Variants in ACTN3 observed in about 807,000 individuals in gnomAD.
ACTN3 encodes the protein alpha-actinin-3.
ACTN3 carries 91 observed loss-of-function variants against 119.6 expected under a neutral mutation model. The observed-to-expected ratio is 0.76, with a 90% CI of 0.64 to 0.91. The LOEUF (loss-of-function observed/expected upper bound fraction) is 0.91. Ranked by LOEUF, ACTN3 falls within the 40% of genes least tolerant of loss-of-function variation. The probability of loss-of-function intolerance (pLI) is 0.00; values close to 1 mark genes in which losing one functional copy is unlikely to be tolerated. For missense variants in ACTN3, 1,221 were observed against 1,215.1 expected (o/e 1.00, Z -0.07); for synonymous variants, 456 against 478.8 (o/e 0.95, Z 0.62).
At position 66,551,541 on chromosome 11, in the gene ACTN3, T is replaced by C; in HGVS notation, c.276T>C (p.Pro92=). The C allele has an allele frequency of 6.2e-7, 1 of 1,613,952 alleles. No homozygotes were observed. Among genetic ancestry groups the C allele is most frequent in the Non-Finnish European group, 8.5e-7 (1 of 1,179,916 alleles). ...LLEVISGERL[P]RPDKGKMRFH... ...TCTTAAACCCAGGTGAGAGGCTGCCTAGGCCAGATAAAGGCAAGATGCGCT... is the reference window on the plus strand; with the variant it reads ...TCTTAAACCCAGGTGAGAGGCTGCCCAGGCCAGATAAAGGCAAGATGCGCT... Residue 92 remains proline (P), a synonymous_variant, in exon 3 of 21, where the codon CCT becomes CCC. Transcript: ENST00000513398.
chr11:66,551,430 G>A, intron 2 of ACTN3, 77 bp downstream of exon 2: 1 of 1,565,798 alleles, frequency 6.4e-7, no homozygotes. Flanking sequence ...GGGTGGCGGA[G>A]TGTTGGACGG....
At chr11:66,552,376 A>C (rs1013289134) in intron 3 of ACTN3, among the ~76,000 whole-genome samples, 2 of 151,846 alleles carry the variant, frequency 1.3e-5, no homozygotes, top group East Asian at 3.9e-4. Flanking sequence ...TCTCAAAAAA[A>C]AAAAAGAAAG....
intron 10 of ACTN3, 43 bp from the exon 11 acceptor site, chr11:66,557,984 A>G (rs529431085): frequency 1.2e-6 from 2 of 1,613,250 alleles, no homozygotes; most frequent in East Asian, 4.5e-5. Flanking sequence ...CCATCTGTAC[A>G]ATGGGCAAAC....
At position 66,560,766 on chromosome 11, in the gene ACTN3, C is replaced by T; in HGVS notation, c.1860+11C>T. The T allele has an allele frequency of 1.3e-6, 2 of 1,597,694 alleles. No individual in the cohort carries two copies. Among genetic ancestry groups the T allele is most frequent in the Non-Finnish European group, 1.7e-6 (2 of 1,168,342 alleles). The stretch of plus-strand genomic sequence containing the variant: ...ACCAAGTGGGATATGGTCAGTGCCA[C>T]CTGCAGCCTTCCTCCCACCCCCTCC... On this transcript the variant is annotated intron_variant, in intron 15 of 20. Coordinates refer to ENST00000513398, the MANE Select transcript of ACTN3 (RefSeq NM_001104.4).
In ACTN3 at chr11:66,554,637, T is replaced by A. The variant is rs1227842061; in HGVS notation, c.557+14T>A. 6.2e-7 allele frequency: 1 copy of A among 1,603,240 alleles called. No individual in the cohort carries two copies. The highest frequency in any genetic ancestry group is 8.5e-7 in the Non-Finnish European group (1 of 1,174,106). ...CTTCCACACCAGGTCTGTCAGGTGG[T>A]TACCAAATGTGTCTGGGCCTCTGTG... On this transcript the variant is annotated intron_variant, in intron 5 of 20. Transcript: ENST00000513398.
chr11:66,560,790 C>A, intron 15 of ACTN3, 35 bp downstream of exon 15: 1 of 1,578,308 alleles, frequency 6.3e-7, no homozygotes, highest in African/African-American at 1.3e-5. Context: ...CCCACCCCCT[C>A]CTGCATACTG....
Position 66,561,616 on chromosome 11 carries a change from G to C in ACTN3, c.2154G>C (p.Lys718Asn). The C allele has an allele frequency of 1.2e-6, 2 of 1,612,614 alleles. No homozygotes were observed. Among genetic ancestry groups the C allele is most frequent in the Non-Finnish European group, 1.7e-6 (2 of 1,179,392 alleles). Reference sequence around the variant, plus strand: ...AGGAGAGCCTGGTGTTCGACAATAAGCACACCGTCTACAGCATGGAGGTGG... The same window carrying C: ...AGGAGAGCCTGGTGTTCGACAATAACCACACCGTCTACAGCATGGAGGTGG... ...LLQESLVFDN[K>N]HTVYSMEHIR... Residue 718 changes from lysine (K) to asparagine (N), a missense_variant, in exon 17 of 21, where the codon AAG becomes AAC. Lys to Asn is a moderately conservative substitution (Grantham distance 94). This residue lies in a region of ACTN3 where 934 missense variants were observed against 899.9 expected (regional missense o/e 1.04). Transcript: ENST00000513398.
At position 66,560,650 on chromosome 11, in the gene ACTN3, C is replaced by G; in HGVS notation, c.1755C>G (p.Ile585Met). 1 of 1,613,866 alleles carries G rather than the reference C, an allele frequency of 6.2e-7. No individual in the cohort carries two copies. Among genetic ancestry groups the G allele is most frequent in the South Asian group, 1.1e-5 (1 of 91,084 alleles). ...GAGAGCGAGGTGCCATCATGGGCAT[C>G]CAGGGTGAGATCCAGAAGATCTGCC... Reference protein sequence around the residue: ...ADRERGAIMGIQGEIQKICQT... With the variant: ...ADRERGAIMGMQGEIQKICQT... The change falls in exon 15 of 21, where the codon ATC becomes ATG. Residue 585 changes from isoleucine to methionine, a missense_variant. Transcript: ENST00000513398.
intron 5 of ACTN3, among the ~76,000 whole-genome samples, 183 bp from the exon 6 acceptor site, chr11:66,554,947 G>C (rs972039725): frequency 6.6e-6 from 1 of 152,182 alleles, no homozygotes; most frequent in Non-Finnish European, 1.5e-5. Flanking sequence ...TGACGGAATC[G>C]TGATGAGCTA....
intron 3 of ACTN3, 141 bp from the exon 4 acceptor site, chr11:66,553,904 G>C: frequency 1.9e-6 from 1 of 517,304 alleles, no homozygotes; most frequent in Non-Finnish European, 3.5e-6. Context: ...TTGAGCACCT[G>C]CTAGGTGCTC....
In ACTN3 at chr11:66,559,956, T is replaced by G. The variant is rs757735440; in HGVS notation, c.1428-12T>G. ...GGGCTGGCCCCACACTCGCCCTACT[T>G]CTCGCTCCCAGTGAGCTGGACTACC... On this transcript the variant is annotated splice_polypyrimidine_tract_variant and intron_variant, in intron 12 of 20. Transcript: ENST00000513398. 1 of 1,582,628 alleles carries G rather than the reference T, an allele frequency of 6.3e-7. No homozygotes were observed. The highest frequency in any genetic ancestry group is 1.2e-5 in the South Asian group (1 of 86,054).
intron 3 of ACTN3, 59 bp downstream of exon 3, chr11:66,551,706 A>G: frequency 1.2e-6 from 2 of 1,602,378 alleles, no homozygotes; most frequent in Non-Finnish European, 1.7e-6. Flanking sequence ...TGACATCAGC[A>G]AATCACCTCT....
At chr11:66,551,468 G>A (rs777430449) in intron 2 of ACTN3, 60 bp from the exon 3 acceptor site, 88 of 1,583,848 alleles carry the variant, frequency 5.6e-5, no homozygotes, top group Non-Finnish European at 7.2e-5. Flanking sequence ...AGAGTTTGCG[G>A]ACAATAGCTT....
Position 66,555,156 on chromosome 11 carries a change from C to G in ACTN3, c.584C>G (p.Ala195Gly), listed in dbSNP as rs1427291442. 1.2e-6 allele frequency: 2 copies of G among 1,613,896 alleles called. No homozygotes were observed. Among genetic ancestry groups the G allele is most frequent in the African/African-American group, 2.7e-5 (2 of 74,870 alleles). The change falls in exon 6 of 21, where the codon GCC (alanine) becomes GGC (glycine). Residue 195 changes from alanine to glycine, a missense_variant. Transcript: ENST00000513398. ...TGGAAGGATGGCCTGGCCCTCTGTGCCCTCATCCACCGACACCGCCCTGAC... is the reference window on the plus strand; with the variant it reads ...TGGAAGGATGGCCTGGCCCTCTGTGGCCTCATCCACCGACACCGCCCTGAC... ...TSWKDGLALC[A>G]LIHRHRPDLI...
Position 66,547,009 on chromosome 11 carries a change from C to G in ACTN3, c.72C>G (p.Gly24=). 1 of 1,523,152 alleles carries G rather than the reference C, an allele frequency of 6.6e-7. No homozygotes were observed. The highest frequency in any genetic ancestry group is 1.3e-5 in the South Asian group (1 of 75,250). 94.4% of individuals were successfully genotyped at this position (1,523,152 alleles called of 1,614,324 possible). A position where few individuals can be genotyped will look rare whatever the true frequency, so the allele number is the denominator to read the frequency against. ...EGRFAGGGGG[G]EYMEQEEDWD... is the part of the protein sequence containing the mutation. ...GCTTTGCGGGCGGCGGCGGGGGCGG[C>G]GAGTACATGGAACAGGAGGAGGACT... Residue 24 remains glycine (G), a synonymous_variant, in exon 1 of 21, where the codon GGC becomes GGG. Transcript: ENST00000513398.
chr11:66,548,346 A>T (rs767401036), intron 1 of ACTN3, among the ~76,000 whole-genome samples: 1 of 152,006 alleles, frequency 6.6e-6, no homozygotes, highest in Non-Finnish European at 1.5e-5. Flanking sequence ...CTGTTCTGCA[A>T]CATCTCCTAT....
chr11:66,553,811 G>A (rs12222434), intron 3 of ACTN3, among the ~76,000 whole-genome samples: 6,558 of 138,930 alleles, frequency 0.047, 470 homozygotes, highest in African/African-American at 0.15. Context: ...CGGAGATTGC[G>A]CCACTGCACT....
At position 66,561,444 on chromosome 11, in the gene ACTN3, G is replaced by A. The variant is rs759101173; in HGVS notation, c.1996-14G>A. ...GGAGTTGGGAGCCCTCATGCTGCCT[G>A]GGAACCCCTGCAGGAAGTGGGGCGG... On this transcript the variant is annotated splice_polypyrimidine_tract_variant and intron_variant, in intron 16 of 20. Coordinates refer to ENST00000513398, the MANE Select transcript of ACTN3 (RefSeq NM_001104.4). 6.3e-7 allele frequency: 1 copy of A among 1,599,958 alleles called. No individual in the cohort carries two copies. Among genetic ancestry groups the A allele is most frequent in the South Asian group, 1.1e-5 (1 of 88,902 alleles).
In ACTN3 at chr11:66,561,508, G is replaced by A. The variant is rs753918867; in HGVS notation, c.2046G>A (p.Met682Ile). Residue 682 changes from methionine (M) to isoleucine (I), a missense_variant, in exon 17 of 21, where the codon ATG (methionine) becomes ATA (isoleucine). Transcript: ENST00000513398. ...TAGCTGGCTCTCTGGAGGAGCAGAT[G>A]GCTGGGCTACGGCAGCAGGAGCAGA... ...AGLAGSLEEQ[M>I]AGLRQQEQNI... 7.5e-6 allele frequency: 12 copies of A among 1,605,836 alleles called. No individual in the cohort carries two copies. Among genetic ancestry groups the A allele is most frequent in the Non-Finnish European group, 1.0e-5 (12 of 1,176,322 alleles).
Sources: gnomAD v4.1 joint callset for allele counts (sites outside exome capture counted in the v4.1 genomes callset) on GRCh38, gnomAD v4.1.1 for gene constraint, gnomAD v4.1.1 regional missense constraint, MANE v1.5 for transcripts, NCBI Gene and HGNC (gene_info 2026-07-23, HGNC 2026-07-21) for gene names.